STRN3: variants seen among roughly 807,000 people sequenced by gnomAD.
STRN3 encodes the protein striatin-3.
A neutral mutation model predicts 95.6 loss-of-function variants in STRN3; 29 were observed. The observed-to-expected ratio is 0.30, with a 90% confidence interval of 0.23 to 0.41. The LOEUF (loss-of-function observed/expected upper bound fraction) is 0.41, where lower values mean the gene tolerates loss of function less well. Among genes scored for constraint, STRN3 ranks in the 10% least tolerant of loss-of-function variants. The probability of loss-of-function intolerance (pLI) is 1.00; values close to 1 mark genes in which losing one functional copy is unlikely to be tolerated. For synonymous variants in STRN3, 331 were observed against 357.6 expected (o/e 0.93, Z 0.84); for missense variants, 890 against 972.1 (o/e 0.92, Z 1.12).
At chr14:30,975,235 G>GAA (rs1881035415) in intron 1 of STRN3, among the ~76,000 whole-genome samples, 1 of 151,444 alleles carries the variant, frequency 6.6e-6, no homozygotes, top group African/African-American at 2.4e-5. Flanking sequence ...AAGAAGGAAT[G>GAA]AAATAATGGC....
At chr14:30,965,492 G>T (rs1880440389) in intron 1 of STRN3, among the ~76,000 whole-genome samples, 1 of 151,874 alleles carries the variant, frequency 6.6e-6, no homozygotes, top group African/African-American at 2.4e-5. Context: ...TTCAATACCA[G>T]CCTGGGCAAC....
chr14:30,939,643 T>C (rs1000461878), intron 5 of STRN3, among the ~76,000 whole-genome samples: 1 of 152,026 alleles, frequency 6.6e-6, no homozygotes, highest in African/African-American at 2.4e-5. Flanking sequence ...AAAAGCCAAA[T>C]AGTTCTAAAT....
At position 30,956,218 on chromosome 14, in the gene STRN3, C is replaced by T. The variant is rs1190793347; in HGVS notation, c.307G>A (p.Glu103Lys). Residue 103 changes from glutamate (E) to lysine (K), a missense_variant, in exon 2 of 18, where the codon GAA becomes AAA. Around this residue, in one of 3 missense-constraint regions of STRN3, gnomAD observed 526 missense variants for 526.3 expected, o/e 1.00. Coordinates refer to ENST00000357479, the MANE Select transcript of STRN3 (RefSeq NM_001083893.2). ...TTCAGGTTCTCTTGACCTTTTCTTT[C>T]GCCTTGTAGAAATGCAATCCGGGCC... ...LQARIAFLQG[E>K]RKGQENLKKD... is the part of the protein sequence containing the mutation. The T allele has an allele frequency of 3.7e-6, 6 of 1,613,722 alleles. No individual in the cohort carries two copies. The highest frequency in any genetic ancestry group is 2.2e-5 in the East Asian group (1 of 44,872).
At chr14:30,925,326 A>C (rs1452602595) in intron 8 of STRN3, among the ~76,000 whole-genome samples, 1 of 152,142 alleles carries the variant, frequency 6.6e-6, no homozygotes, top group Non-Finnish European at 1.5e-5. Flanking sequence ...TTAGCATTTA[A>C]AAGTCAAATC....
In STRN3 at chr14:30,955,662, C is replaced by G. The variant is rs1879864985; in HGVS notation, c.418G>C (p.Glu140Gln). 1 of 1,583,266 alleles carries G rather than the reference C, an allele frequency of 6.3e-7. No individual in the cohort carries two copies. Among genetic ancestry groups the G allele is most frequent in the African/African-American group, 1.4e-5 (1 of 72,544 alleles). The change falls in exon 3 of 18, where the codon GAA (glutamate) becomes CAA (glutamine). Residue 140 changes from glutamate (E) to glutamine (Q), a missense_variant. Around this residue, in one of 3 missense-constraint regions of STRN3, gnomAD observed 526 missense variants for 526.3 expected, o/e 1.00. Coordinates refer to ENST00000357479, the MANE Select transcript of STRN3 (RefSeq NM_001083893.2). ...AKYHKLKYGT[E>Q]LNQGDLKMPT... is the part of the protein sequence containing the mutation. ...ATTTTCAAGTCACCTTGGTTCAGTT[C>G]CGTGCCATATTTTAATTTGTGATAT...
intron 1 of STRN3, among the ~76,000 whole-genome samples, chr14:31,009,733 C>CA (rs1415008354): frequency 6.7e-6 from 1 of 150,074 alleles, no homozygotes; most frequent in Non-Finnish European, 1.5e-5. Context: ...AACATAAACA[C>CA]AAAAAAATTT....
At chr14:30,992,667 T>C (rs1421186106) in intron 1 of STRN3, among the ~76,000 whole-genome samples, 1 of 151,522 alleles carries the variant, frequency 6.6e-6, no homozygotes, top group Non-Finnish European at 1.5e-5. Flanking sequence ...CTGCTACTGG[T>C]GCTCAGCTCA....
rs368939914 is a variant in STRN3, at chr14:30,919,115, T to C, written c.1100-9A>G. ...TTTTGTCCTGTTGGCCCCTGTAAATTAATGTCAGCAGTAGAGGTTCATTTA... is the reference window on the plus strand; with the variant it reads ...TTTTGTCCTGTTGGCCCCTGTAAATCAATGTCAGCAGTAGAGGTTCATTTA... On this transcript the variant is annotated splice_polypyrimidine_tract_variant and intron_variant, in intron 8 of 17. Transcript: ENST00000357479. 21 of 1,597,542 alleles carry C rather than the reference T, an allele frequency of 1.3e-5. No homozygotes were observed. In the African/African-American group the frequency reaches 2.7e-4, roughly 20 times the overall value.
chr14:30,997,077 A>T (rs1185029091), intron 1 of STRN3, among the ~76,000 whole-genome samples: 1 of 152,190 alleles, frequency 6.6e-6, no homozygotes, highest in Admixed American at 6.5e-5. Context: ...CACTCATTTC[A>T]AACAGCAGGA....
At chr14:30,987,045 G>C (rs1308352022) in intron 1 of STRN3, among the ~76,000 whole-genome samples, 1 of 152,068 alleles carries the variant, frequency 6.6e-6, no homozygotes, top group African/African-American at 2.4e-5. Context: ...TTCAGTGTTT[G>C]CATAAACTTA....
At chr14:30,996,498 T>C (rs367837622) in intron 1 of STRN3, among the ~76,000 whole-genome samples, 1 of 152,196 alleles carries the variant, frequency 6.6e-6, no homozygotes, top group Non-Finnish European at 1.5e-5. Context: ...TCTTTAATAA[T>C]GGGCCACCAC....
At chr14:31,012,869 G>A (rs1258554021) in intron 1 of STRN3, among the ~76,000 whole-genome samples, 4 of 151,360 alleles carry the variant, frequency 2.6e-5, no homozygotes, top group Admixed American at 6.6e-5. Context: ...ACTCTACCCT[G>A]GGCAATAAGA....
chr14:30,965,768 C>A (rs1199321698), intron 1 of STRN3, among the ~76,000 whole-genome samples: 2 of 103,778 alleles, frequency 1.9e-5, no homozygotes, highest in African/African-American at 3.7e-5. Context: ...AACTCCATCT[C>A]AAAAAAAAAA....
chr14:30,945,837 T>A (rs1215480040), intron 5 of STRN3, among the ~76,000 whole-genome samples: 1 of 152,068 alleles, frequency 6.6e-6, no homozygotes, highest in Non-Finnish European at 1.5e-5. Context: ...AGCCCAGGGT[T>A]GGGAGATAGG....
intron 1 of STRN3, among the ~76,000 whole-genome samples, chr14:31,012,624 T>C (rs528541186): frequency 1.3e-5 from 2 of 152,330 alleles, no homozygotes; most frequent in African/African-American, 2.4e-5. Context: ...TCAGGCGCGG[T>C]GGCTCACGCC....
intron 3 of STRN3, among the ~76,000 whole-genome samples, chr14:30,952,104 C>A (rs552569131): frequency 6.9e-6 from 1 of 143,946 alleles, no homozygotes; most frequent in Non-Finnish European, 1.5e-5. Flanking sequence ...GGCGACAGAG[C>A]GAGACCCTGT....
intron 1 of STRN3, among the ~76,000 whole-genome samples, chr14:31,018,285 G>A (rs1364918019): frequency 6.6e-6 from 1 of 152,128 alleles, no homozygotes; most frequent in Non-Finnish European, 1.5e-5. Flanking sequence ...ATAGTAAGCT[G>A]CTGCCACGGG....
rs1882255371 is a variant in STRN3 at position 30,997,441 on chromosome 14, GGAACCAACT to G, written c.282+28454_282+28462del. On this transcript the variant is annotated intron_variant, in intron 1 of 17. Coordinates refer to ENST00000357479, the MANE Select transcript of STRN3 (RefSeq NM_001083893.2). ...TCCTAGGCCAGGTAGCACACAACTA[GGAACCAACT>G]CTATAGATTAGAGCCCGCCAAAGTT... is the stretch of plus-strand genomic sequence containing the variant. 5.3e-5 allele frequency among the ~76,000 whole-genome samples: 8 copies of G among 152,234 alleles called. No homozygotes were observed. The South Asian group carries it at 1.7e-3, about 32-fold the overall frequency.
intron 1 of STRN3, among the ~76,000 whole-genome samples, chr14:30,978,898 G>A (rs780661900): frequency 2.0e-5 from 3 of 151,954 alleles, no homozygotes; most frequent in Admixed American, 6.6e-5. Context: ...GCTGGGCATG[G>A]TGGCACACGC....
Sources: gnomAD v4.1 joint callset for allele counts (sites outside exome capture counted in the v4.1 genomes callset) on GRCh38, gnomAD v4.1.1 for gene constraint, gnomAD v4.1.1 regional missense constraint, MANE v1.5 for transcripts, NCBI Gene and HGNC (gene_info 2026-07-23, HGNC 2026-07-21) for gene names.